Variants in NSG2 observed in about 807,000 individuals in gnomAD.
NSG2 encodes neuronal vesicle trafficking-associated protein 2.
Under a neutral mutation model 16.9 loss-of-function variants are expected in NSG2, and 4 were observed. The observed-to-expected ratio is 0.24, with a 90% CI of 0.12 to 0.54. The LOEUF is 0.54. Ranked by LOEUF, NSG2 falls within the 20% of genes least tolerant of loss-of-function variation. The probability of loss-of-function intolerance (pLI) is 0.95; values close to 1 mark genes in which losing one functional copy is unlikely to be tolerated. For synonymous variants in NSG2, 98 were observed against 88.7 expected (o/e 1.11, Z -0.59); for missense variants, 179 against 221.1 (o/e 0.81, Z 1.21).
At chr5:174,047,864 A>G (rs962661323) in intron 2 of NSG2, among the ~76,000 whole-genome samples, 5 of 152,348 alleles carry the variant, frequency 3.3e-5, no homozygotes, top group Middle Eastern at 3.4e-3. Context: ...CTTGGAGGCC[A>G]ATGATGGAGT....
Position 174,107,438 on chromosome 5 carries a change from T to G in NSG2, c.449T>G (p.Ile150Ser). 1 of 1,612,778 alleles carries G rather than the reference T, an allele frequency of 6.2e-7. No individual in the cohort carries two copies. The highest frequency in any genetic ancestry group is 8.5e-7 in the Non-Finnish European group (1 of 1,179,028). Residue 150 changes from isoleucine (I) to serine (S), a missense_variant, in exon 5 of 5, where the codon ATC becomes AGC. By Grantham distance (142) the Ile-to-Ser change is moderately radical. Coordinates refer to ENST00000303177, the MANE Select transcript of NSG2 (RefSeq NM_015980.5). The surrounding 1 kb of genome is among the most constrained non-coding windows in gnomAD (Gnocchi z 4.5). ...GCCAAGCAGAGCACTGCCCGGGCCATCGGGCCGTGGCTGTCAGCAGCCGCT... is the reference window on the plus strand; with the variant it reads ...GCCAAGCAGAGCACTGCCCGGGCCAGCGGGCCGTGGCTGTCAGCAGCCGCT... ...SVAKQSTARA[I>S]GPWLSAAAVI...
At chr5:174,086,236 G>C (rs781051836) in intron 3 of NSG2, among the ~76,000 whole-genome samples, 5 of 152,182 alleles carry the variant, frequency 3.3e-5, no homozygotes, top group Non-Finnish European at 7.4e-5. Context: ...AACTGACCCC[G>C]GGCCAATCAC....
chr5:174,061,520 G>A (rs1198909492), intron 2 of NSG2, among the ~76,000 whole-genome samples: 1 of 152,160 alleles, frequency 6.6e-6, no homozygotes, highest in Non-Finnish European at 1.5e-5. Flanking sequence ...TCACACTTTT[G>A]TTTCTTTGGC....
chr5:174,064,574 C>T (rs897900168), intron 3 of NSG2: 4 of 303,482 alleles, frequency 1.3e-5, no homozygotes, highest in African/African-American at 2.1e-5. Flanking sequence ...TCTTCTATTC[C>T]TTCTCCTTTC....
At chr5:174,090,590 A>T (rs147364480) in intron 3 of NSG2, among the ~76,000 whole-genome samples, 25 of 152,340 alleles carry the variant, frequency 1.6e-4, no homozygotes, top group Non-Finnish European at 7.3e-5. Flanking sequence ...CCAGTCTTGC[A>T]TGCAGACCTT....
intron 3 of NSG2, among the ~76,000 whole-genome samples, chr5:174,093,963 G>T (rs1760757880): frequency 6.6e-6 from 1 of 152,154 alleles, no homozygotes; most frequent in African/African-American, 2.4e-5. Context: ...TAATTCCTGA[G>T]GTTTCTACCT....
At chr5:174,063,120 C>T (rs1035924194) in intron 2 of NSG2, among the ~76,000 whole-genome samples, 4 of 152,136 alleles carry the variant, frequency 2.6e-5, no homozygotes, top group Non-Finnish European at 5.9e-5. Context: ...AAAAATATTG[C>T]TCATTATCAT....
chr5:174,096,340 A>T (rs1345076697), intron 3 of NSG2, among the ~76,000 whole-genome samples: 1 of 151,978 alleles, frequency 6.6e-6, no homozygotes, highest in Non-Finnish European at 1.5e-5. Context: ...GGAGGAGGAG[A>T]TAGTTGAGCT....
At chr5:174,049,771 G>A (rs1193559978) in intron 2 of NSG2, among the ~76,000 whole-genome samples, 2 of 152,200 alleles carry the variant, frequency 1.3e-5, no homozygotes, top group East Asian at 3.8e-4. Flanking sequence ...TGTTCTCTGA[G>A]TGGAAAATTG....
intron 2 of NSG2, among the ~76,000 whole-genome samples, chr5:174,055,089 C>T (rs1759946644): frequency 6.6e-6 from 1 of 152,198 alleles, no homozygotes; most frequent in Admixed American, 6.5e-5. Flanking sequence ...CCGGAGGTCA[C>T]AGGGCTACCC....
intron 3 of NSG2, among the ~76,000 whole-genome samples, chr5:174,084,453 C>T (rs978505134): frequency 5.9e-5 from 9 of 152,204 alleles, no homozygotes; most frequent in African/African-American, 1.7e-4. Context: ...AAGGAGCAAG[C>T]GGTTCAGTCA....
At chr5:174,104,375 ATTCAG>A in intron 4 of NSG2, 37 bp downstream of exon 4, 1 of 1,420,254 alleles carries the variant, frequency 7.0e-7, no homozygotes, top group Non-Finnish European at 1.0e-6. Context: ...TCACTATCAA[ATTCAG>A]TTAGAGGGTT....
intron 2 of NSG2, among the ~76,000 whole-genome samples, chr5:174,059,406 CT>C: frequency 6.6e-6 from 1 of 152,132 alleles, no homozygotes; most frequent in Non-Finnish European, 1.5e-5. Flanking sequence ...GTTCTTGTAT[CT>C]TTTGGTGGAC....
chr5:174,094,482 G>A (rs1760764999), intron 3 of NSG2, among the ~76,000 whole-genome samples: 1 of 152,154 alleles, frequency 6.6e-6, no homozygotes. Context: ...GGGGCTCAGA[G>A]AGATGAAGCA....
chr5:174,070,801 G>T (rs543185449), intron 3 of NSG2, among the ~76,000 whole-genome samples: 3 of 152,086 alleles, frequency 2.0e-5, no homozygotes, highest in Non-Finnish European at 2.9e-5. Flanking sequence ...GGCCTATCCC[G>T]CACCTGCAGC....
chr5:174,090,480 A>G (rs1335077984), intron 3 of NSG2, among the ~76,000 whole-genome samples: 1 of 152,204 alleles, frequency 6.6e-6, no homozygotes, highest in Non-Finnish European at 1.5e-5. Context: ...AACATAAGCC[A>G]TATTGTAAGT....
chr5:174,089,064 G>A (rs796734064), intron 3 of NSG2, among the ~76,000 whole-genome samples: 5 of 152,310 alleles, frequency 3.3e-5, no homozygotes, highest in African/African-American at 1.2e-4. Context: ...ACCCCCATCT[G>A]CATACCGATA....
chr5:174,049,060 C>G (rs1393694427), intron 2 of NSG2, among the ~76,000 whole-genome samples: 1 of 152,102 alleles, frequency 6.6e-6, no homozygotes, highest in Non-Finnish European at 1.5e-5. Flanking sequence ...CCGCAAGAGG[C>G]TGGGCATGGT....
chr5:174,067,522 G>A (rs192925203), intron 3 of NSG2, among the ~76,000 whole-genome samples: 5 of 152,394 alleles, frequency 3.3e-5, no homozygotes, highest in East Asian at 3.9e-4. Flanking sequence ...TTCAGGGGCA[G>A]CCCTCTGTCA....
Sources: gnomAD v4.1 joint callset for allele counts (sites outside exome capture counted in the v4.1 genomes callset) on GRCh38, gnomAD v4.1.1 for gene constraint, Gnocchi (gnomAD v3.1) non-coding constraint, MANE v1.5 for transcripts, NCBI Gene and HGNC (gene_info 2026-07-23, HGNC 2026-07-21) for gene names.